LRBA: variants seen among roughly 807,000 people sequenced by gnomAD.
LRBA encodes LPS responsive beige-like anchor protein, also known as lipopolysaccharide-responsive and beige-like anchor protein.
A neutral mutation model predicts 330.0 loss-of-function variants in LRBA; 176 were observed. The ratio of observed to expected loss-of-function variants is 0.53; its 90% confidence interval spans 0.47 to 0.60. LRBA has a LOEUF of 0.60. Among genes scored for constraint, LRBA ranks in the 20% least tolerant of loss-of-function variants. The pLI, the probability that LRBA is intolerant of heterozygous loss-of-function variation, is 0.00. For missense variants in LRBA, 3,259 were observed against 3,444.8 expected, an observed-to-expected ratio of 0.95 and a Z score of 1.35; for synonymous variants, 1,230 against 1,193.0, an observed-to-expected ratio of 1.03 and a Z score of -0.64.
chr4:150,835,086 G>C (rs1265100867), intron 28 of LRBA, among the ~76,000 whole-genome samples: 1 of 152,014 alleles, frequency 6.6e-6, no homozygotes, highest in African/African-American at 2.4e-5. Flanking sequence ...TCTTGTTTTT[G>C]TCAGGTTTGT....
At chr4:150,866,772 A>G (rs1255777183) in intron 22 of LRBA, among the ~76,000 whole-genome samples, 1 of 152,170 alleles carries the variant, frequency 6.6e-6, no homozygotes, top group Non-Finnish European at 1.5e-5. Flanking sequence ...AAATGAACAA[A>G]ACTATATGGG....
chr4:150,523,114 A>G (rs760179920), intron 40 of LRBA, among the ~76,000 whole-genome samples: 2 of 152,212 alleles, frequency 1.3e-5, no homozygotes, highest in Non-Finnish European at 2.9e-5. Context: ...GATATTCTGG[A>G]CGTTAAACTT....
rs1748474921 is a variant in LRBA at position 150,420,311 on chromosome 4, T to TATATAATGCACATTATAGTATAAAGC, written c.7042-4722_7042-4721insGCTTTATACTATAATGTGCATTATAT. Among the ~76,000 whole-genome samples the TATATAATGCACATTATAGTATAAAGC allele has an allele frequency of 2.0e-5, 3 of 147,202 alleles. No individual in the cohort carries two copies. The East Asian group carries it at 5.9e-4, about 29-fold the overall frequency. ...ATATAATACACATTATAGTATAAAG[T>TATATAATGCACATTATAGTATAAAGC]ATATATAATGCACATTATAGTATAA... On this transcript the variant is annotated intron_variant, in intron 46 of 56. Transcript: ENST00000651943.
intron 35 of LRBA, among the ~76,000 whole-genome samples, chr4:150,736,301 T>G (rs921751295): frequency 6.6e-6 from 1 of 152,144 alleles, no homozygotes; most frequent in African/African-American, 2.4e-5. Context: ...CAGTCACCAA[T>G]TAATAGGCAC....
intron 42 of LRBA, among the ~76,000 whole-genome samples, chr4:150,487,168 G>A (rs1208100243): frequency 6.6e-6 from 1 of 151,372 alleles, no homozygotes; most frequent in Non-Finnish European, 1.5e-5. Context: ...TGGGATTGCA[G>A]GATCATGTGG....
At chr4:150,639,360 T>TAAAAAAAAAAAAAAAA (rs371245495) in intron 37 of LRBA, among the ~76,000 whole-genome samples, 1 of 106,686 alleles carries the variant, frequency 9.4e-6, no homozygotes, top group African/African-American at 3.7e-5. Context: ...TAAAGTATAA[T>TAAAAAAAAAAAAAAAA]AAAAAAAAAA....
At chr4:150,853,392 A>C (rs937022013) in intron 22 of LRBA, among the ~76,000 whole-genome samples, 4 of 152,216 alleles carry the variant, frequency 2.6e-5, no homozygotes, top group African/African-American at 2.4e-5. Context: ...TCACCATTAC[A>C]GTAGCTCTAC....
At chr4:150,687,541 G>GA (rs1040447110) in intron 36 of LRBA, among the ~76,000 whole-genome samples, 3 of 151,744 alleles carry the variant, frequency 2.0e-5, no homozygotes, top group South Asian at 4.2e-4. Context: ...ACTATAAAAA[G>GA]AAAAAAATAA....
At chr4:150,637,889 A>AT (rs1778081565) in intron 37 of LRBA, among the ~76,000 whole-genome samples, 1 of 152,128 alleles carries the variant, frequency 6.6e-6, no homozygotes, top group Non-Finnish European at 1.5e-5. Context: ...CTTTAGAGTG[A>AT]TTTGTAACAA....
Position 150,583,084 on chromosome 4 carries a change from C to G in LRBA, c.6330+4964G>C. 2 of 1,613,744 alleles carry G rather than the reference C, an allele frequency of 1.2e-6. No individual in the cohort carries two copies. Among genetic ancestry groups the G allele is most frequent in the Non-Finnish European group, 1.7e-6 (2 of 1,179,854 alleles). On this transcript the variant is annotated intron_variant, in intron 40 of 56. Coordinates refer to ENST00000651943, the MANE Select transcript of LRBA (RefSeq NM_001364905.1). The surrounding 1 kb of genome is among the most constrained non-coding windows in gnomAD (Gnocchi z 9.8). Reference sequence around the variant, plus strand: ...CCAGCTCAATAAGTACTACACTGAGCGCTGTCAGGCGCGCAAGGCGGCCAT... The same window carrying G: ...CCAGCTCAATAAGTACTACACTGAGGGCTGTCAGGCGCGCAAGGCGGCCAT...
intron 53 of LRBA, among the ~76,000 whole-genome samples, chr4:150,293,198 T>C (rs939822706): frequency 2.2e-4 from 33 of 152,312 alleles, no homozygotes; most frequent in African/African-American, 7.9e-4. Flanking sequence ...TACAATTGAT[T>C]ACTACAAAAC....
At chr4:150,990,550 A>G (rs1456222268) in intron 2 of LRBA, among the ~76,000 whole-genome samples, 2 of 152,132 alleles carry the variant, frequency 1.3e-5, no homozygotes, top group Non-Finnish European at 2.9e-5. Flanking sequence ...CAAGACAACA[A>G]AACCCCGTCT....
chr4:150,285,953 A>T lies in LRBA; in HGVS notation c.8099T>A (p.Leu2700Gln). Residue 2700 changes from leucine (L) to glutamine (Q), a missense_variant, in exon 54 of 57, where the codon CTG (leucine) becomes CAG (glutamine). Transcript: ENST00000651943. ...TCAAVCAELGLVLSGSQEGPC... is the reference protein window; with the variant it reads ...TCAAVCAELGQVLSGSQEGPC... ...TTTACCTTGTGAACCACTCAACACC[A>T]GGCCTAGCTCCGCACACACCGCAGC... The T allele has an allele frequency of 6.3e-7, 1 of 1,585,228 alleles. No individual in the cohort carries two copies. The highest frequency in any genetic ancestry group is 1.2e-5 in the South Asian group (1 of 85,248).
chr4:150,952,082 A>G (rs538625117), intron 2 of LRBA, among the ~76,000 whole-genome samples: 1 of 152,242 alleles, frequency 6.6e-6, no homozygotes, highest in Non-Finnish European at 1.5e-5. Context: ...CTAAGTGTCC[A>G]CTACCAACTC....
intron 37 of LRBA, among the ~76,000 whole-genome samples, chr4:150,668,580 C>T (rs185085776): frequency 1.0e-3 from 153 of 152,286 alleles, no homozygotes; most frequent in Non-Finnish European, 1.1e-3. Context: ...TCTATAGTTA[C>T]CATCTTTAAA....
At chr4:150,953,703 G>A (rs1224822773) in intron 2 of LRBA, among the ~76,000 whole-genome samples, 5 of 151,816 alleles carry the variant, frequency 3.3e-5, no homozygotes, top group Non-Finnish European at 5.9e-5. Flanking sequence ...GTGTGATCTC[G>A]GCTCACTACA....
At chr4:150,503,416 C>T (rs552976023) in intron 40 of LRBA, among the ~76,000 whole-genome samples, 71 of 152,280 alleles carry the variant, frequency 4.7e-4, no homozygotes, top group African/African-American at 1.7e-3. Flanking sequence ...GTTCTGCAGC[C>T]ACCGCTGCTG....
chr4:150,401,469 A>G (rs1180389357), intron 47 of LRBA, among the ~76,000 whole-genome samples: 3 of 152,182 alleles, frequency 2.0e-5, no homozygotes, highest in Non-Finnish European at 4.4e-5. Flanking sequence ...CCAAGAACTT[A>G]TCCATGATGT....
chr4:150,272,579 C>T (rs970890604), intron 56 of LRBA, among the ~76,000 whole-genome samples: 8 of 151,406 alleles, frequency 5.3e-5, no homozygotes, highest in Non-Finnish European at 7.4e-5. Context: ...AAAAGTTAGA[C>T]GAATTGCTAA....
Sources: gnomAD v4.1 joint callset for allele counts (sites outside exome capture counted in the v4.1 genomes callset) on GRCh38, gnomAD v4.1.1 for gene constraint, Gnocchi (gnomAD v3.1) non-coding constraint, MANE v1.5 for transcripts, NCBI Gene and HGNC (gene_info 2026-07-23, HGNC 2026-07-21) for gene names.